EPS15: variants seen among roughly 807,000 people sequenced by gnomAD.
EPS15 encodes epidermal growth factor receptor substrate 15.
Under a neutral mutation model 113.8 loss-of-function variants are expected in EPS15, and 72 were observed. The observed-to-expected ratio is 0.63, with a 90% CI of 0.52 to 0.77. The LOEUF is 0.77. EPS15 is among the 30% of genes least tolerant of loss of function. The pLI is 0.00. For missense variants in EPS15, 1,048 were observed against 1,045.8 expected (o/e 1.00, Z -0.03); for synonymous variants, 344 against 363.4 (o/e 0.95, Z 0.61).
chr1:51,413,228 A>C (rs1649904408), intron 13 of EPS15, among the ~76,000 whole-genome samples: 1 of 152,214 alleles, frequency 6.6e-6, no homozygotes, highest in Non-Finnish European at 1.5e-5. Context: ...GAATCCAGCC[A>C]AATTTAATCT....
chr1:51,438,035 T>A (rs1364104053), intron 12 of EPS15, among the ~76,000 whole-genome samples: 1 of 152,174 alleles, frequency 6.6e-6, no homozygotes, highest in Non-Finnish European at 1.5e-5. Flanking sequence ...GAAGACTTGG[T>A]GATAATGACC....
intron 21 of EPS15, among the ~76,000 whole-genome samples, chr1:51,393,718 T>C (rs1308211078): frequency 6.6e-6 from 1 of 152,222 alleles, no homozygotes; most frequent in African/African-American, 2.4e-5. Context: ...GTTTATCTGT[T>C]TTGTTTTAAA....
chr1:51,519,089 A>G, intron 1 of EPS15, 110 bp downstream of exon 1: 2 of 709,154 alleles, frequency 2.8e-6, no homozygotes, highest in Non-Finnish European at 4.2e-6. Flanking sequence ...CCGGCCCACA[A>G]GCCAAGAAGC....
intron 19 of EPS15, 89 bp from the exon 20 acceptor site, chr1:51,399,254 T>G: frequency 7.9e-7 from 1 of 1,268,928 alleles, no homozygotes; most frequent in South Asian, 1.4e-5. Flanking sequence ...GTGCCTTAAT[T>G]AAAAGACAGT....
chr1:51,425,496 C>T (rs1188471001), intron 12 of EPS15, among the ~76,000 whole-genome samples: 5 of 152,148 alleles, frequency 3.3e-5, no homozygotes, highest in East Asian at 1.9e-4. Context: ...TCCACTATTT[C>T]GTAACCAGAA....
At chr1:51,486,036 G>A (rs1175809308) in intron 1 of EPS15, among the ~76,000 whole-genome samples, 1 of 152,052 alleles carries the variant, frequency 6.6e-6, no homozygotes, top group African/African-American at 2.4e-5. Context: ...GACCTCAGGT[G>A]ATCCACCCAC....
chr1:51,516,527 A>T (rs1644720378), intron 1 of EPS15, among the ~76,000 whole-genome samples: 1 of 152,212 alleles, frequency 6.6e-6, no homozygotes, highest in Non-Finnish European at 1.5e-5. Context: ...TCTAGAAGCT[A>T]GACTATAATA....
chr1:51,415,965 T>G (rs1650185975), intron 13 of EPS15, among the ~76,000 whole-genome samples: 1 of 152,108 alleles, frequency 6.6e-6, no homozygotes, highest in Non-Finnish European at 1.5e-5. Flanking sequence ...AAATTATTTG[T>G]AAGGCTACCA....
chr1:51,402,393 T>C (rs1648659344), intron 18 of EPS15, 42 bp downstream of exon 18: 2 of 1,086,024 alleles, frequency 1.8e-6, no homozygotes, highest in South Asian at 1.5e-5. Context: ...TAAAAAGTCT[T>C]TTTTTTGGGT....
At chr1:51,505,697 A>G (rs1644487221) in intron 1 of EPS15, among the ~76,000 whole-genome samples, 1 of 152,228 alleles carries the variant, frequency 6.6e-6, no homozygotes, top group Admixed American at 6.5e-5. Context: ...TTTAAAAAGT[A>G]AAAAATAAAA....
chr1:51,359,908 C>CT (rs112942070), intron 24 of EPS15, among the ~76,000 whole-genome samples: 240 of 146,402 alleles, frequency 1.6e-3, no homozygotes, highest in Non-Finnish European at 1.6e-3. Flanking sequence ...CATGCAGATT[C>CT]TTTTTTTTTT....
Position 51,372,891 on chromosome 1 carries a change from T to A in EPS15, c.2120-6862A>T, listed in dbSNP as rs1335348579. The stretch of plus-strand genomic sequence containing the variant: ...AAGCTTCTGGATATCAGGAGCTACC[T>A]GGAAAAAACAGCCACAGGCAAGCTG... On this transcript the variant is annotated intron_variant, in intron 21 of 24. Transcript: ENST00000371733. 4 of 788,916 alleles carry A rather than the reference T, an allele frequency of 5.1e-6. 1 individual carries two copies. Among genetic ancestry groups the A allele is most frequent in the South Asian group, 3.3e-5 (2 of 61,210 alleles). The allele number at this position is 788,916 out of a possible 1,614,324, so 48.9% of individuals were successfully genotyped here. A position where few individuals can be genotyped will look rare whatever the true frequency, so the allele number is the denominator to read the frequency against.
At chr1:51,392,415 T>C (rs897393659) in intron 21 of EPS15, among the ~76,000 whole-genome samples, 2 of 152,198 alleles carry the variant, frequency 1.3e-5, no homozygotes, top group Non-Finnish European at 2.9e-5. Flanking sequence ...TGATAAATCT[T>C]TGCACCCTCC....
At chr1:51,413,669 C>G (rs1331872973) in intron 13 of EPS15, among the ~76,000 whole-genome samples, 1 of 152,150 alleles carries the variant, frequency 6.6e-6, no homozygotes, top group Non-Finnish European at 1.5e-5. Flanking sequence ...TTTTTATAAT[C>G]TATAGACCAA....
intron 13 of EPS15, among the ~76,000 whole-genome samples, chr1:51,409,974 A>G (rs959101810): frequency 6.6e-6 from 1 of 151,340 alleles, no homozygotes; most frequent in Non-Finnish European, 1.5e-5. Flanking sequence ...TTCCCCACAA[A>G]TCTGTTTTAA....
chr1:51,507,622 C>T (rs1644519456), intron 1 of EPS15, among the ~76,000 whole-genome samples: 1 of 150,998 alleles, frequency 6.6e-6, no homozygotes, highest in Admixed American at 6.6e-5. Flanking sequence ...GATCACGTCA[C>T]TGTACTCCAG....
At chr1:51,384,855 T>C (rs1647027041) in intron 21 of EPS15, among the ~76,000 whole-genome samples, 1 of 152,140 alleles carries the variant, frequency 6.6e-6, no homozygotes, top group South Asian at 2.1e-4. Flanking sequence ...AAAAGGACGG[T>C]CTTCACAAGA....
rs549559426 is a variant in EPS15, at chr1:51,408,007, G to A, written c.1473+128C>T. ...ATAACAGGTGACAAAAAAACCTATT[G>A]TATAAAATGACTGAAAAATGAACAG... On this transcript the variant is annotated intron_variant, in intron 15 of 24. Coordinates refer to ENST00000371733, the MANE Select transcript of EPS15 (RefSeq NM_001981.3). 40 of 774,250 alleles carry A rather than the reference G, an allele frequency of 5.2e-5. No homozygotes were observed. The East Asian group carries it at 9.9e-4, about 19-fold the overall frequency. 48.0% of individuals were successfully genotyped at this position (774,250 alleles called of 1,614,324 possible). A position where few individuals can be genotyped will look rare whatever the true frequency, so the allele number is the denominator to read the frequency against.
intron 15 of EPS15, 49 bp from the exon 16 acceptor site, chr1:51,406,157 C>A (rs564171107): frequency 1.3e-6 from 2 of 1,537,448 alleles, no homozygotes; most frequent in South Asian, 1.2e-5. Flanking sequence ...ACTAGAAAGA[C>A]ATGTAACATA....
Sources: allele counts gnomAD v4.1 joint callset (sites outside exome capture counted in the v4.1 genomes callset), GRCh38; gene constraint gnomAD v4.1.1; transcripts MANE v1.5; gene names NCBI Gene and HGNC (gene_info 2026-07-23, HGNC 2026-07-21).